Variants in RBFOX1 observed in about 807,000 individuals in gnomAD.
RBFOX1 encodes RNA binding fox-1 homolog 1, also known as RNA binding protein fox-1 homolog 1.
In RBFOX1, 8 loss-of-function variants were observed where a neutral mutation model predicts 57.7. The observed-to-expected ratio is 0.14, with a 90% CI of 0.08 to 0.25. The LOEUF is 0.25. Among genes scored for constraint, RBFOX1 ranks in the 10% least tolerant of loss-of-function variants. RBFOX1 has a pLI of 1.00. For synonymous variants in RBFOX1, 326 were observed against 222.4 expected, an observed-to-expected ratio of 1.47 and a Z score of -4.15; for missense variants, 611 against 548.5, an observed-to-expected ratio of 1.11 and a Z score of -1.14.
intron 1 of RBFOX1, among the ~76,000 whole-genome samples, chr16:6,033,155 G>A (rs981725405): frequency 1.8e-4 from 27 of 152,078 alleles, no homozygotes; most frequent in Admixed American, 2.6e-4. Context: ...ACATTGTTTG[G>A]ATCAAAAATG....
At chr16:6,642,714 A>C (rs571640793) in intron 2 of RBFOX1, among the ~76,000 whole-genome samples, 1 of 152,234 alleles carries the variant, frequency 6.6e-6, no homozygotes, top group South Asian at 2.1e-4. Flanking sequence ...TATTTGCATA[A>C]TAGTTTGGTT....
chr16:7,666,480 A>T (rs1251032745), intron 13 of RBFOX1, among the ~76,000 whole-genome samples: 1 of 152,186 alleles, frequency 6.6e-6, no homozygotes, highest in Admixed American at 6.5e-5. Flanking sequence ...AGTTTCTTCA[A>T]ACTGACAATA....
In RBFOX1 at chr16:7,651,431, G is replaced by A. The variant is rs147038472; in HGVS notation, c.758-2384G>A. ...TCTAAGTGCACTACATGGTCACCCC[G>A]TCCAACCTCCTTGGTCGCAGCCAGG... On this transcript the variant is annotated intron_variant, in intron 11 of 15. Coordinates refer to ENST00000550418, the MANE Select transcript of RBFOX1 (RefSeq NM_018723.4). Among the ~76,000 whole-genome samples, 1,149 of 152,266 alleles carry A rather than the reference G, an allele frequency of 7.5e-3. 19 individuals are homozygous for A. Among genetic ancestry groups the A allele is most frequent in the African/African-American group, 0.026 (1,090 of 41,538 alleles).
chr16:6,187,184 A>G (rs188494493), intron 1 of RBFOX1, among the ~76,000 whole-genome samples: 110 of 152,232 alleles, frequency 7.2e-4, no homozygotes, highest in African/African-American at 2.5e-3. Flanking sequence ...TGATGCTTTC[A>G]TGGGGGAAAC....
intron 4 of RBFOX1, among the ~76,000 whole-genome samples, chr16:7,383,613 T>C (rs1446292408): frequency 6.6e-6 from 1 of 152,190 alleles, no homozygotes; most frequent in Non-Finnish European, 1.5e-5. Flanking sequence ...CCATTTCATA[T>C]TTGAGAGCTG....
intron 1 of RBFOX1, among the ~76,000 whole-genome samples, chr16:5,252,795 C>A (rs1433968831): frequency 3.3e-5 from 5 of 152,252 alleles, no homozygotes; most frequent in South Asian, 4.1e-4. Flanking sequence ...GCTCCTTCTG[C>A]AAGGGGCCTG....
chr16:5,355,911 C>T (rs1355914451), intron 1 of RBFOX1, among the ~76,000 whole-genome samples: 1 of 152,042 alleles, frequency 6.6e-6, no homozygotes, highest in East Asian at 1.9e-4. Context: ...GCCAACATGG[C>T]TAAACCCCGT....
chr16:5,970,184 G>A (rs1474688823), intron 4 of RBFOX1, among the ~76,000 whole-genome samples: 2 of 152,094 alleles, frequency 1.3e-5, no homozygotes, highest in Admixed American at 6.5e-5. Flanking sequence ...GATATGGATG[G>A]TTGGTCTCTG....
At chr16:5,821,948 G>A (rs1386864517) in intron 3 of RBFOX1, among the ~76,000 whole-genome samples, 1 of 152,200 alleles carries the variant, frequency 6.6e-6, no homozygotes, top group African/African-American at 2.4e-5. Context: ...ATGTTGCATT[G>A]AGGATTAAGT....
chr16:7,107,350 G>A (rs954911954), intron 4 of RBFOX1, among the ~76,000 whole-genome samples: 6 of 152,076 alleles, frequency 3.9e-5, no homozygotes, highest in African/African-American at 1.4e-4. Context: ...AGCATATTCT[G>A]GGGTATTATT....
At chr16:7,645,098 T>C (rs2063501746) in intron 11 of RBFOX1, among the ~76,000 whole-genome samples, 1 of 152,182 alleles carries the variant, frequency 6.6e-6, no homozygotes, top group Non-Finnish European at 1.5e-5. Context: ...ACCATCTTTT[T>C]TTTCCCTTTC....
At chr16:5,711,145 T>C (rs541075715) in intron 3 of RBFOX1, among the ~76,000 whole-genome samples, 1 of 152,134 alleles carries the variant, frequency 6.6e-6, no homozygotes, top group African/African-American at 2.4e-5. Flanking sequence ...CATGGGACAG[T>C]TTATTAATTT....
At chr16:6,225,532 C>T (rs2097410074) in intron 1 of RBFOX1, among the ~76,000 whole-genome samples, 1 of 152,028 alleles carries the variant, frequency 6.6e-6, no homozygotes, top group African/African-American at 2.4e-5. Context: ...AATCCTTTCC[C>T]CCAGGGTTTT....
At chr16:5,393,176 A>T (rs948602571) in intron 1 of RBFOX1, among the ~76,000 whole-genome samples, 2 of 151,972 alleles carry the variant, frequency 1.3e-5, no homozygotes, top group African/African-American at 4.8e-5. Flanking sequence ...CCTTTCTCTG[A>T]TGGCTGTGAG....
intron 2 of RBFOX1, among the ~76,000 whole-genome samples, chr16:6,454,079 T>G (rs1382321927): frequency 6.6e-6 from 1 of 152,176 alleles, no homozygotes; most frequent in Non-Finnish European, 1.5e-5. Flanking sequence ...TGTCTTTGTC[T>G]CCTCTTCTTG....
At chr16:7,066,284 G>T (rs79701413) in intron 4 of RBFOX1, among the ~76,000 whole-genome samples, 2,451 of 152,274 alleles carry the variant, frequency 0.016, 71 homozygotes, top group African/African-American at 0.055. Flanking sequence ...AACATGGTAC[G>T]TTACCTTGAT....
chr16:7,157,289 T>A (rs1167820311), intron 4 of RBFOX1, among the ~76,000 whole-genome samples: 8 of 152,180 alleles, frequency 5.3e-5, no homozygotes, highest in African/African-American at 1.9e-4. Context: ...ACCATATGCT[T>A]GATTACTAAA....
intron 1 of RBFOX1, among the ~76,000 whole-genome samples, chr16:6,104,158 C>G (rs1266158697): frequency 6.6e-6 from 1 of 151,800 alleles, no homozygotes; most frequent in Non-Finnish European, 1.5e-5. Context: ...CACACACACA[C>G]AATATTATTT....
intron 3 of RBFOX1, among the ~76,000 whole-genome samples, chr16:6,696,226 C>A (rs1336406203): frequency 2.0e-5 from 3 of 152,098 alleles, no homozygotes; most frequent in Non-Finnish European, 4.4e-5. Flanking sequence ...TTGAGGTATA[C>A]AATATCTGTT....
Sources: gnomAD v4.1 joint callset for allele counts (sites outside exome capture counted in the v4.1 genomes callset) on GRCh38, gnomAD v4.1.1 for gene constraint, MANE v1.5 for transcripts, NCBI Gene and HGNC (gene_info 2026-07-23, HGNC 2026-07-21) for gene names.